Variants in MYH3 observed in about 807,000 individuals in gnomAD.
MYH3 encodes myosin-3.
MYH3 carries 130 observed loss-of-function variants against 238.0 expected under a neutral mutation model. The ratio of observed to expected loss-of-function variants is 0.55; its 90% CI spans 0.47 to 0.63. MYH3 has a LOEUF of 0.63. Among genes scored for constraint, MYH3 ranks in the 30% least tolerant of loss-of-function variants. The probability of loss-of-function intolerance (pLI) is 0.00; values close to 1 mark genes in which losing one functional copy is unlikely to be tolerated. For synonymous variants in MYH3, 880 were observed against 924.1 expected (o/e 0.95, Z 0.86); for missense variants, 1,853 against 2,374.9 (o/e 0.78, Z 4.57).
chr17:10,663,495 A>G, the MYH3 span, among the ~76,000 whole-genome samples: 1 of 152,084 alleles, frequency 6.6e-6, no homozygotes. Flanking sequence ...AGGGGACAGG[A>G]GGGCCAAAGG....
rs528643403 is a variant in MYH3 at position 10,655,902 on chromosome 17, G to A, written c.-9+188C>T. ...CCTGACCTCATGATCTGCCCACCTCGGCCTCTCAAAGTGCTGGGATTACAG... is the reference window on the plus strand; with the variant it reads ...CCTGACCTCATGATCTGCCCACCTCAGCCTCTCAAAGTGCTGGGATTACAG... On this transcript the variant is annotated intron_variant, in intron 2 of 40. Coordinates refer to ENST00000583535, the MANE Select transcript of MYH3 (RefSeq NM_002470.4). 1.2e-4 allele frequency among the ~76,000 whole-genome samples: 19 copies of A among 152,112 alleles called. No individual in the cohort carries two copies. In the South Asian group the frequency reaches 1.5e-3, roughly 12 times the overall value.
Position 10,642,161 on chromosome 17 carries a change from T to G in MYH3, c.1959+79A>C. On this transcript the variant is annotated intron_variant, in intron 17 of 40. Coordinates refer to ENST00000583535, the MANE Select transcript of MYH3 (RefSeq NM_002470.4). The surrounding 1 kb of genome is among the most constrained non-coding windows in gnomAD (Gnocchi z 5.4). ...GACAACACTACTACTCTCAAATAAA[T>G]CAAGCTTAGAATCTCAGCATTGCTC... 7.5e-7 allele frequency: 1 copy of G among 1,331,808 alleles called. No homozygotes were observed. Among genetic ancestry groups the G allele is most frequent in the Non-Finnish European group, 1.1e-6 (1 of 938,236 alleles). 82.5% of individuals were successfully genotyped at this position (1,331,808 alleles called of 1,614,324 possible). A position where few individuals can be genotyped will look rare whatever the true frequency, so the allele number is the denominator to read the frequency against.
At chr17:10,669,626 G>A in the MYH3 span, among the ~76,000 whole-genome samples, 1 of 151,622 alleles carries the variant, frequency 6.6e-6, no homozygotes, top group South Asian at 2.1e-4. Flanking sequence ...TCTTCAGGTT[G>A]GGCACGGTGG....
In MYH3 at chr17:10,634,134, C is replaced by T. The variant is rs1344964735; in HGVS notation, c.4405G>A (p.Glu1469Lys). 1.8e-5 allele frequency: 29 copies of T among 1,614,124 alleles called. No individual in the cohort carries two copies. Among genetic ancestry groups the T allele is most frequent in the Non-Finnish European group, 2.5e-5 (29 of 1,180,054 alleles). The change falls in exon 32 of 41, where the codon GAG becomes AAG. Residue 1469 changes from glutamate (E) to lysine (K), a missense_variant. Physicochemically the swap from Glu to Lys is moderately conservative, Grantham distance 56. This residue lies in a region of MYH3 where 1,044 missense variants were observed against 1,192.6 expected (regional missense o/e 0.88). Transcript: ENST00000583535. ...GAGCGGGACTCCTTCAGGGATGCCT[C>T]CAGCTCTGCTTGGCTCTCCTCACAC... Reference protein sequence around the residue: ...TKCEESQAELEASLKESRSLS... With the variant: ...TKCEESQAELKASLKESRSLS...
chr17:10,637,414 C>T (rs563917408), intron 28 of MYH3, among the ~76,000 whole-genome samples: 13 of 152,260 alleles, frequency 8.5e-5, no homozygotes, highest in African/African-American at 2.2e-4. Context: ...ATGTTTCTCT[C>T]TTTAGTCTCA....
chr17:10,634,044 C>G lies in MYH3; in HGVS notation c.4495G>C (p.Val1499Leu), dbSNP rs749816458. Residue 1499 changes from valine to leucine, a missense_variant, in exon 32 of 41, where the codon GTG (valine) becomes CTG (leucine). Coordinates refer to ENST00000583535, the MANE Select transcript of MYH3 (RefSeq NM_002470.4). ...YEEALDQLET[V>L]KRENKNLEQE... ...TCTAAGTTCTTATTTTCCCGTTTCACAGTTTCAAGTTGATCTAAGGCTTCC... is the reference window on the plus strand; with the variant it reads ...TCTAAGTTCTTATTTTCCCGTTTCAGAGTTTCAAGTTGATCTAAGGCTTCC... 22 of 1,614,170 alleles carry G rather than the reference C, an allele frequency of 1.4e-5. No homozygotes were observed. The highest frequency in any genetic ancestry group is 1.9e-5 in the Non-Finnish European group (22 of 1,180,036).
chr17:10,654,973 G>A lies in MYH3; in HGVS notation c.92C>T (p.Pro31Leu), dbSNP rs765895516. 9 of 1,614,120 alleles carry A rather than the reference G, an allele frequency of 5.6e-6. No homozygotes were observed. The highest frequency in any genetic ancestry group is 6.8e-6 in the Non-Finnish European group (8 of 1,180,006). ...GAAGCAATACGTCTTGGCATCAAAG[G>A]GCTGGTTCTGAGCCTCGATCCTCTC... ...EKERIEAQNQ[P>L]FDAKTYCFVV... The change falls in exon 3 of 41, where the codon CCC becomes CTC. Residue 31 changes from proline (P) to leucine (L), a missense_variant. By Grantham distance (98) the Pro-to-Leu change is moderately conservative. Around this residue, in one of 3 missense-constraint regions of MYH3, gnomAD observed 131 missense variants for 123.5 expected, o/e 1.06. Coordinates refer to ENST00000583535, the MANE Select transcript of MYH3 (RefSeq NM_002470.4). This position sits in a 1 kb window ranked among gnomAD's most constrained non-coding sequence, Gnocchi z 4.5.
chr17:10,656,960 C>G (rs1597496173), intron 1 of MYH3, among the ~76,000 whole-genome samples: 1 of 152,128 alleles, frequency 6.6e-6, no homozygotes, highest in African/African-American at 2.4e-5. Flanking sequence ...GGGAGAAGGT[C>G]AAGCCATGGC....
rs1318877792 is a variant in MYH3, at chr17:10,635,013, C to T, written c.4183G>A (p.Ala1395Thr). 3.7e-6 allele frequency: 6 copies of T among 1,614,134 alleles called. No individual in the cohort carries two copies. The highest frequency in any genetic ancestry group is 5.1e-6 in the Non-Finnish European group (6 of 1,180,024). Residue 1395 changes from alanine to threonine, a missense_variant, in exon 31 of 41, where the codon GCT becomes ACT. Ala to Thr is a moderately conservative substitution (Grantham distance 58). Around this residue, in one of 3 missense-constraint regions of MYH3, gnomAD observed 1,044 missense variants for 1,192.6 expected, o/e 0.88. Coordinates refer to ENST00000583535, the MANE Select transcript of MYH3 (RefSeq NM_002470.4). ...TCCTCGGAATCTTGAAGGCGCTGAG[C>T]AAGTTTTTTCCTTAAAGAATATGAA... ...EELEEAKKKL[A>T]QRLQDSEEQV...
chr17:10,664,082 AAAAG>A, the MYH3 span, among the ~76,000 whole-genome samples: 1 of 150,138 alleles, frequency 6.7e-6, no homozygotes, highest in African/African-American at 2.4e-5. Context: ...AAAAAAAAAA[AAAAG>A]GTCTAGTATG....
At chr17:10,661,571 A>T (rs971274791), upstream of MYH3, among the ~76,000 whole-genome samples, 2 of 152,134 alleles carry the variant, frequency 1.3e-5, no homozygotes, top group African/African-American at 2.4e-5. Flanking sequence ...AAATATATGT[A>T]TTGTGTCTCA....
intron 26 of MYH3, 105 bp downstream of exon 26, chr17:10,638,768 T>G (rs1597485548): frequency 8.7e-7 from 1 of 1,143,672 alleles, no homozygotes. Flanking sequence ...ATGAGGCAGG[T>G]GGCCCCACAG....
At chr17:10,659,138 G>A (rs1438517686), upstream of MYH3, 1 of 152,170 alleles carries the variant, frequency 6.6e-6, no homozygotes, top group East Asian at 1.9e-4. Flanking sequence ...GAAATAGGGG[G>A]CAATTTTGCT....
chr17:10,634,132 C>A lies in MYH3; in HGVS notation c.4407G>T (p.Glu1469Asp). 6.2e-7 allele frequency: 1 copy of A among 1,614,236 alleles called. No individual in the cohort carries two copies. Among genetic ancestry groups the A allele is most frequent in the Non-Finnish European group, 8.5e-7 (1 of 1,180,054 alleles). The change falls in exon 32 of 41, where the codon GAG becomes GAT. Residue 1469 changes from glutamate to aspartate, a missense_variant. Physicochemically the swap from Glu to Asp is conservative, Grantham distance 45 (BLOSUM62 2). This residue lies in a region of MYH3 where 1,044 missense variants were observed against 1,192.6 expected (regional missense o/e 0.88). Coordinates refer to ENST00000583535, the MANE Select transcript of MYH3 (RefSeq NM_002470.4). ...AGGAGCGGGACTCCTTCAGGGATGC[C>A]TCCAGCTCTGCTTGGCTCTCCTCAC... The part of the protein sequence containing the change: ...TKCEESQAEL[E>D]ASLKESRSLS...
chr17:10,661,394 T>A (rs2074479701), upstream of MYH3, among the ~76,000 whole-genome samples: 1 of 149,988 alleles, frequency 6.7e-6, no homozygotes, highest in Non-Finnish European at 1.5e-5. Context: ...GTGAACTGGA[T>A]CCTCTCTTGG....
chr17:10,661,899 G>A (rs1301314314), upstream of MYH3, among the ~76,000 whole-genome samples: 5 of 152,136 alleles, frequency 3.3e-5, no homozygotes, highest in African/African-American at 1.2e-4. Context: ...TGAGGTGAAG[G>A]GTGGGGGTCC....
intron 4 of MYH3, chr17:10,652,000 C>T: frequency 1.0e-5 from 4 of 392,810 alleles, no homozygotes; most frequent in Non-Finnish European, 1.9e-5. Context: ...CTTACCCTCC[C>T]AAAGTGCTGG....
At chr17:10,667,444 G>A in the MYH3 span, among the ~76,000 whole-genome samples, 2 of 152,126 alleles carry the variant, frequency 1.3e-5, no homozygotes, top group African/African-American at 4.8e-5. Flanking sequence ...CACTTTGGGA[G>A]GCCAAGGCAG....
At position 10,632,625 on chromosome 17, in the gene MYH3, C is replaced by T. The variant is rs1209803839; in HGVS notation, c.4807G>A (p.Asp1603Asn). 2 of 1,614,148 alleles carry T rather than the reference C, an allele frequency of 1.2e-6. No homozygotes were observed. The highest frequency in any genetic ancestry group is 1.7e-6 in the Non-Finnish European group (2 of 1,180,042). Residue 1603 changes from aspartate (D) to asparagine (N), a missense_variant, in exon 34 of 41, where the codon GAC becomes AAC. Physicochemically the swap from Asp to Asn is conservative, Grantham distance 23 (BLOSUM62 1). Coordinates refer to ENST00000583535, the MANE Select transcript of MYH3 (RefSeq NM_002470.4). Reference sequence around the variant, plus strand: ...TCATTCCTGCTCCGCACCTCGGCGTCCAGGGCGCTCTGCATGGTTTCCACT... The same window carrying T: ...TCATTCCTGCTCCGCACCTCGGCGTTCAGGGCGCTCTGCATGGTTTCCACT... ...RTVETMQSAL[D>N]AEVRSRNEAI... is the part of the protein sequence containing the mutation.
Sources: allele counts gnomAD v4.1 joint callset (sites outside exome capture counted in the v4.1 genomes callset), GRCh38; gene constraint gnomAD v4.1.1; regional missense constraint gnomAD v4.1.1; non-coding constraint Gnocchi (gnomAD v3.1); transcripts MANE v1.5; gene names NCBI Gene and HGNC (gene_info 2026-07-23, HGNC 2026-07-21).